DDX42: variants seen among roughly 807,000 people sequenced by gnomAD.
The protein encoded by DDX42 is DEAD-box helicase 42.
Under a neutral mutation model 101.5 loss-of-function variants are expected in DDX42, and 22 were observed. The ratio of observed to expected loss-of-function variants is 0.22; its 90% CI spans 0.15 to 0.31. DDX42 has a LOEUF of 0.31. Among genes scored for constraint, DDX42 ranks in the 10% least tolerant of loss-of-function variants. DDX42 has a pLI of 1.00. For missense variants in DDX42, 849 were observed against 1,199.9 expected, an observed-to-expected ratio of 0.71 and a Z score of 4.32; for synonymous variants, 402 against 401.2, an observed-to-expected ratio of 1.00 and a Z score of -0.02.
chr17:63,792,570 T>A lies in DDX42; in HGVS notation c.372+8T>A. On this transcript the variant is annotated splice_region_variant and intron_variant, in intron 3 of 17. Coordinates refer to ENST00000389924, the MANE Select transcript of DDX42 (RefSeq NM_203499.3). Reference sequence around the variant, plus strand: ...TTCATGGCTGAAGTGGAGGCAAGTATCAACATGTTTCATTAAAATATTTAG... The same window carrying A: ...TTCATGGCTGAAGTGGAGGCAAGTAACAACATGTTTCATTAAAATATTTAG... 1 of 1,601,474 alleles carries A rather than the reference T, an allele frequency of 6.2e-7. No individual in the cohort carries two copies. The highest frequency in any genetic ancestry group is 8.5e-7 in the Non-Finnish European group (1 of 1,173,970).
At position 63,809,678 on chromosome 17, in the gene DDX42, T is replaced by A; in HGVS notation, c.1252+19T>A. 1 of 1,583,760 alleles carries A rather than the reference T, an allele frequency of 6.3e-7. No individual in the cohort carries two copies. The highest frequency in any genetic ancestry group is 8.7e-7 in the Non-Finnish European group (1 of 1,152,232). ...GGATTTGGTATGCCTTGAATACCAG[T>A]TTCTTCTGTCCCCATCCTCATGATA... On this transcript the variant is annotated intron_variant, in intron 11 of 17. Coordinates refer to ENST00000389924, the MANE Select transcript of DDX42 (RefSeq NM_203499.3).
Position 63,812,228 on chromosome 17 carries a change from A to C in DDX42, c.1675+20A>C. 6.2e-7 allele frequency: 1 copy of C among 1,604,718 alleles called. No individual in the cohort carries two copies. Among genetic ancestry groups the C allele is most frequent in the Non-Finnish European group, 8.5e-7 (1 of 1,174,920 alleles). ...TTGCAGGTAGAGTATGAATTTTTCA[A>C]CAACATTAAGTTCCTAGGCTATAAG... On this transcript the variant is annotated intron_variant, in intron 14 of 17. Transcript: ENST00000389924.
At chr17:63,797,996 T>G in intron 3 of DDX42, 42 bp from the exon 4 acceptor site, 1 of 1,563,072 alleles carries the variant, frequency 6.4e-7, no homozygotes, top group Non-Finnish European at 8.7e-7. Flanking sequence ...TCTTTCAGTG[T>G]TTTTAGTTGA....
intron 1 of DDX42, among the ~76,000 whole-genome samples, chr17:63,777,357 G>A (rs1005972077): frequency 6.6e-6 from 1 of 152,142 alleles, no homozygotes; most frequent in Non-Finnish European, 1.5e-5. Context: ...TAAGAGAAAA[G>A]TGAATAAGCC....
chr17:63,809,070 G>A (rs573850995), intron 10 of DDX42, 122 bp downstream of exon 10: 10 of 1,358,006 alleles, frequency 7.4e-6, no homozygotes, highest in East Asian at 4.8e-5. Flanking sequence ...ACTGATGAAC[G>A]GCAGGCTGTG....
At chr17:63,780,915 A>C (rs2039480364) in intron 1 of DDX42, among the ~76,000 whole-genome samples, 1 of 152,106 alleles carries the variant, frequency 6.6e-6, no homozygotes, top group African/African-American at 2.4e-5. Flanking sequence ...TCTTCTCTGG[A>C]AATCCTATGA....
At chr17:63,810,592 T>G (rs758320591) in intron 12 of DDX42, 32 bp downstream of exon 12, 18 of 1,607,992 alleles carry the variant, frequency 1.1e-5, no homozygotes, top group Non-Finnish European at 1.5e-5. Context: ...TAAACCAAAT[T>G]TGTACTAAAA....
chr17:63,787,905 GTT>G (rs780070919), intron 2 of DDX42, among the ~76,000 whole-genome samples: 5 of 107,870 alleles, frequency 4.6e-5, no homozygotes, highest in Non-Finnish European at 5.5e-5. Flanking sequence ...AATTCATGTG[GTT>G]TTTTTTTTTT....
chr17:63,808,735 A>G (rs2039873238), intron 9 of DDX42, 85 bp from the exon 10 acceptor site: 3 of 1,551,348 alleles, frequency 1.9e-6, no homozygotes, highest in Middle Eastern at 1.8e-4. Flanking sequence ...ATGACATCAC[A>G]TTCTGTTTTT....
At chr17:63,784,831 A>T (rs1395878259) in intron 1 of DDX42, among the ~76,000 whole-genome samples, 1 of 152,166 alleles carries the variant, frequency 6.6e-6, no homozygotes, top group Non-Finnish European at 1.5e-5. Context: ...TGCATTTTAA[A>T]ACTTGTTCCT....
At chr17:63,797,267 G>T in intron 3 of DDX42, among the ~76,000 whole-genome samples, 1 of 149,058 alleles carries the variant, frequency 6.7e-6, no homozygotes, top group Non-Finnish European at 1.5e-5. Flanking sequence ...CAGGAGAATC[G>T]CTTGAACCTG....
chr17:63,783,988 A>G (rs2039518161), intron 1 of DDX42, among the ~76,000 whole-genome samples: 1 of 152,004 alleles, frequency 6.6e-6, no homozygotes, highest in Non-Finnish European at 1.5e-5. Context: ...CACTTGAACC[A>G]TGGAGGCAGA....
At chr17:63,808,315 G>C (rs931759289) in intron 9 of DDX42, among the ~76,000 whole-genome samples, 4 of 152,002 alleles carry the variant, frequency 2.6e-5, no homozygotes, top group Non-Finnish European at 5.9e-5. Flanking sequence ...CTGGGATCAC[G>C]GGCACACGCC....
At chr17:63,788,859 A>C (rs2039583809) in intron 2 of DDX42, among the ~76,000 whole-genome samples, 2 of 151,992 alleles carry the variant, frequency 1.3e-5, no homozygotes, top group Admixed American at 1.3e-4. Context: ...TGATTGTGAC[A>C]CTGCTTCACT....
chr17:63,786,565 C>T (rs1418682945), intron 1 of DDX42, among the ~76,000 whole-genome samples: 1 of 152,262 alleles, frequency 6.6e-6, no homozygotes, highest in Non-Finnish European at 1.5e-5. Context: ...GTTGGCATTA[C>T]TGGCCTGGGC....
chr17:63,802,110 C>G (rs1023314925), intron 6 of DDX42, among the ~76,000 whole-genome samples: 1 of 152,106 alleles, frequency 6.6e-6, no homozygotes, highest in Non-Finnish European at 1.5e-5. Flanking sequence ...CTGCTGATGC[C>G]TTAGCATGAA....
At chr17:63,807,361 G>A (rs1291062719) in intron 8 of DDX42, among the ~76,000 whole-genome samples, 2 of 152,058 alleles carry the variant, frequency 1.3e-5, no homozygotes, top group Non-Finnish European at 2.9e-5. Context: ...GGCTGGTCTC[G>A]AGCTCCTGAG....
At position 63,812,003 on chromosome 17, in the gene DDX42, G is replaced by A. The variant is rs2039916272; in HGVS notation, c.1470G>A (p.Arg490=). The change falls in exon 14 of 18, where the codon CGG becomes CGA. Residue 490 remains arginine (R), a synonymous_variant. Coordinates refer to ENST00000389924, the MANE Select transcript of DDX42 (RefSeq NM_203499.3). The part of the protein sequence containing the change: ...SGPSKWNWLT[R]RLVEFTSSGS... ...CTAGTAAATGGAACTGGCTTACCCG[G>A]CGTCTGGTAGAATTTACCTCTTCAG... 1.9e-6 allele frequency: 3 copies of A among 1,614,182 alleles called. No individual in the cohort carries two copies. The Admixed American group carries it at 5.0e-5, about 27-fold the overall frequency.
chr17:63,809,467 G>C, intron 10 of DDX42, 93 bp from the exon 11 acceptor site: 1 of 948,680 alleles, frequency 1.1e-6, no homozygotes, highest in Non-Finnish European at 1.7e-6. Context: ...TCTGAGACTA[G>C]AGAATTAGCA....
Sources: gnomAD v4.1 joint callset for allele counts (sites outside exome capture counted in the v4.1 genomes callset) on GRCh38, gnomAD v4.1.1 for gene constraint, MANE v1.5 for transcripts, NCBI Gene and HGNC (gene_info 2026-07-23, HGNC 2026-07-21) for gene names.